GNAQ: variants seen among roughly 807,000 people sequenced by gnomAD.
GNAQ encodes the protein G protein subunit alpha q.
Under a neutral mutation model 43.9 loss-of-function variants are expected in GNAQ, and 8 were observed. The observed-to-expected ratio is 0.18, with a 90% CI of 0.11 to 0.33. The LOEUF is 0.33. Among genes scored for constraint, GNAQ ranks in the 10% least tolerant of loss-of-function variants. GNAQ has a pLI of 1.00. For missense variants in GNAQ, 158 were observed against 450.8 expected, an observed-to-expected ratio of 0.35 and a Z score of 5.88; for synonymous variants, 155 against 170.7, an observed-to-expected ratio of 0.91 and a Z score of 0.71.
chr9:78,021,620 G>T (rs1206944956), intron 1 of GNAQ, among the ~76,000 whole-genome samples: 1 of 152,126 alleles, frequency 6.6e-6, no homozygotes, highest in Non-Finnish European at 1.5e-5. Context: ...ATATAAAGCA[G>T]CCCCCTAGAT....
At chr9:77,872,090 ATTTG>A (rs527426174) in intron 2 of GNAQ, among the ~76,000 whole-genome samples, 39 of 152,346 alleles carry the variant, frequency 2.6e-4, no homozygotes, top group Admixed American at 4.6e-4. Context: ...AAATGCTATC[ATTTG>A]TTTGTTGAAT....
intron 1 of GNAQ, among the ~76,000 whole-genome samples, chr9:77,937,236 T>C (rs1829244378): frequency 6.6e-6 from 1 of 151,620 alleles, no homozygotes; most frequent in African/African-American, 2.4e-5. Flanking sequence ...GAGGTCGAGT[T>C]CGACACCAGC....
intron 1 of GNAQ, among the ~76,000 whole-genome samples, chr9:78,018,206 T>C (rs1324972914): frequency 2.6e-5 from 4 of 151,560 alleles, no homozygotes; most frequent in Non-Finnish European, 5.9e-5. Flanking sequence ...AAGTAAACAA[T>C]ATACATCCTC....
rs1424197624 is a variant in GNAQ at position 77,720,907 on chromosome 9, T to C, written c.*416A>G. ...AAGAATGGAACTAGGATAAAGGCCA[T>C]TGTAACCTGGGAAAAACATCAGGAG... On this transcript the variant is annotated 3_prime_UTR_variant, in exon 7 of 7. Transcript: ENST00000286548. The C allele has an allele frequency of 3.8e-5, 9 of 239,938 alleles. No individual in the cohort carries two copies. The South Asian group carries it at 5.1e-4, about 14-fold the overall frequency. The allele number at this position is 239,938 out of a possible 1,614,324, so 14.9% of individuals were successfully genotyped here.
chr9:77,835,520 T>C (rs563087486), intron 2 of GNAQ, among the ~76,000 whole-genome samples: 13 of 152,292 alleles, frequency 8.5e-5, no homozygotes, highest in African/African-American at 2.2e-4. Context: ...AGAAAAATTT[T>C]ATGCAGCATA....
chr9:77,762,228 C>T (rs1290099373), intron 5 of GNAQ, among the ~76,000 whole-genome samples: 5 of 138,942 alleles, frequency 3.6e-5, no homozygotes, highest in East Asian at 4.7e-4. Flanking sequence ...CCCGGCCAGC[C>T]GCCCCTTCCG....
intron 2 of GNAQ, among the ~76,000 whole-genome samples, chr9:77,855,383 A>G (rs1292870728): frequency 2.0e-5 from 3 of 152,168 alleles, no homozygotes; most frequent in Non-Finnish European, 2.9e-5. Flanking sequence ...AAAGCAAACG[A>G]AAGAACCTGT....
At chr9:77,768,562 G>C (rs1826170121) in intron 5 of GNAQ, among the ~76,000 whole-genome samples, 1 of 152,186 alleles carries the variant, frequency 6.6e-6, no homozygotes, top group South Asian at 2.1e-4. Context: ...CTACCATCTT[G>C]AGTTTCACTC....
intron 2 of GNAQ, among the ~76,000 whole-genome samples, chr9:77,913,352 C>T (rs2378102): frequency 0.64 from 96,047 of 150,538 alleles, 32,473 homozygotes; most frequent in South Asian, 0.78. Flanking sequence ...TGTCATACAA[C>T]TGTACTGTCC....
At chr9:77,954,870 C>A (rs967044981) in intron 1 of GNAQ, among the ~76,000 whole-genome samples, 1 of 152,142 alleles carries the variant, frequency 6.6e-6, no homozygotes, top group Non-Finnish European at 1.5e-5. Context: ...TAACAAAAAC[C>A]TTCTGAGGAA....
At chr9:77,984,420 A>G (rs1823408402) in intron 1 of GNAQ, among the ~76,000 whole-genome samples, 2 of 152,204 alleles carry the variant, frequency 1.3e-5, no homozygotes, top group African/African-American at 2.4e-5. Context: ...TCGGCCTCCC[A>G]AAGTGCTGGG....
At position 77,920,425 on chromosome 9, in the gene GNAQ, A is replaced by C. The variant is rs141167329; in HGVS notation, c.321+1736T>G. Among the ~76,000 whole-genome samples the C allele has an allele frequency of 3.4e-3, 517 of 152,290 alleles. 2 individuals carry two copies. Among genetic ancestry groups the C allele is most frequent in the African/African-American group, 0.012 (487 of 41,546 alleles). On this transcript the variant is annotated intron_variant, in intron 2 of 6. Coordinates refer to ENST00000286548, the MANE Select transcript of GNAQ (RefSeq NM_002072.5). ...TATATAAAAAACAAATAGCACACAC[A>C]TGGTAAGTCAGGCAGAATTCATCAG...
At chr9:77,784,331 A>G (rs890303260) in intron 5 of GNAQ, among the ~76,000 whole-genome samples, 1 of 152,170 alleles carries the variant, frequency 6.6e-6, no homozygotes, top group African/African-American at 2.4e-5. Flanking sequence ...CCTTAAAATA[A>G]AAGTTTAATA....
At chr9:77,747,261 A>C (rs1038746995) in intron 5 of GNAQ, among the ~76,000 whole-genome samples, 2 of 152,166 alleles carry the variant, frequency 1.3e-5, no homozygotes, top group African/African-American at 4.8e-5. Flanking sequence ...ATGTAACAGA[A>C]ACATCAAAAG....
chr9:77,779,680 C>CAAAAAAAAAAAAA (rs58014303), intron 5 of GNAQ, among the ~76,000 whole-genome samples: 1,281 of 95,520 alleles, frequency 0.013, no homozygotes, highest in Non-Finnish European at 0.016. Context: ...AAAAACAAAA[C>CAAAAAAAAAAAAA]AAAAAAAAAA....
At position 77,904,618 on chromosome 9, in the gene GNAQ, C is replaced by G. The variant is rs147089858; in HGVS notation, c.321+17543G>C. On this transcript the variant is annotated intron_variant, in intron 2 of 6. Transcript: ENST00000286548. ...AAGTGCTGGGATTACAGGTGTGAGT[C>G]ACCGTGCCCGGCCCTGTTTATGTTT... Among the ~76,000 whole-genome samples the G allele has an allele frequency of 1.2e-4, 18 of 152,176 alleles. No homozygotes were observed. In the East Asian group the frequency reaches 2.9e-3, roughly 25 times the overall value.
chr9:77,866,515 T>C (rs568921483), intron 2 of GNAQ, among the ~76,000 whole-genome samples: 50 of 152,374 alleles, frequency 3.3e-4, no homozygotes, highest in Admixed American at 1.4e-3. Flanking sequence ...ACTTGTGATA[T>C]CTTGTCAGTC....
intron 1 of GNAQ, among the ~76,000 whole-genome samples, chr9:78,025,156 C>T (rs1238589834): frequency 5.9e-5 from 9 of 152,128 alleles, no homozygotes; most frequent in African/African-American, 2.2e-4. Context: ...CCTTTTACTA[C>T]ATGTTAGATG....
At chr9:77,975,773 T>A (rs1823293846) in intron 1 of GNAQ, among the ~76,000 whole-genome samples, 1 of 152,126 alleles carries the variant, frequency 6.6e-6, no homozygotes, top group Non-Finnish European at 1.5e-5. Flanking sequence ...CTTGACCTCA[T>A]GATCCACCCG....
Sources: allele counts gnomAD v4.1 joint callset (sites outside exome capture counted in the v4.1 genomes callset), GRCh38; gene constraint gnomAD v4.1.1; transcripts MANE v1.5; gene names NCBI Gene and HGNC (gene_info 2026-07-23, HGNC 2026-07-21).